FRMPD4: variants seen among roughly 807,000 people sequenced by gnomAD.
FRMPD4 encodes the protein FERM and PDZ domain-containing protein 4.
In FRMPD4, 22 loss-of-function variants were observed where a neutral mutation model predicts 94.1. The ratio of observed to expected loss-of-function variants is 0.23; its 90% CI spans 0.17 to 0.33. The LOEUF (loss-of-function observed/expected upper bound fraction) is 0.33. Ranked by LOEUF, FRMPD4 falls within the 10% of genes least tolerant of loss-of-function variation. The pLI is 1.00. For missense variants in FRMPD4, 1,111 were observed against 1,339.9 expected (o/e 0.83, Z 2.67); for synonymous variants, 631 against 548.6 (o/e 1.15, Z -2.10).
intron 1 of FRMPD4, among the ~76,000 whole-genome samples, chrX:12,332,023 A>T (rs1222762776): frequency 1.5e-5 from 1 of 67,268 alleles, no homozygotes; most frequent in Non-Finnish European, 2.4e-5. Flanking sequence ...CTATATATAA[A>T]TTATATATAT....
chrX:11,848,784 A>C (rs5933925), intron 1 of FRMPD4, among the ~76,000 whole-genome samples: 2,455 of 111,070 alleles, frequency 0.022, 23 homozygotes, highest in Non-Finnish European at 0.034. Flanking sequence ...CTGGTCTTTC[A>C]TATTCCCCTG....
chrX:12,044,880 C>T (rs914627231), intron 3 of FRMPD4, among the ~76,000 whole-genome samples: 4 of 111,553 alleles, frequency 3.6e-5, no homozygotes, highest in African/African-American at 9.8e-5. Flanking sequence ...TTTTAATTAG[C>T]GATTATTAAT....
At chrX:12,694,573 G>T in intron 9 of FRMPD4, 119 bp downstream of exon 9, 1 of 493,535 alleles carries the variant, frequency 2.0e-6, no homozygotes, top group Non-Finnish European at 3.5e-6. Flanking sequence ...CAAGCTCAGT[G>T]AATCGTACGA....
chrX:12,438,928 G>C (rs771824510), intron 1 of FRMPD4, among the ~76,000 whole-genome samples: 1 of 111,345 alleles, frequency 9.0e-6, no homozygotes, highest in South Asian at 4.0e-4. Flanking sequence ...ACAGTTCTCT[G>C]TGCGTCGCTC....
At chrX:12,347,872 C>T (rs2055739094) in intron 1 of FRMPD4, among the ~76,000 whole-genome samples, 1 of 111,357 alleles carries the variant, frequency 9.0e-6, no homozygotes, top group Admixed American at 9.5e-5. Flanking sequence ...TTATTATATA[C>T]ATACAGATAT....
intron 3 of FRMPD4, among the ~76,000 whole-genome samples, chrX:12,071,459 C>A (rs1166661877): frequency 9.0e-6 from 1 of 111,696 alleles, no homozygotes; most frequent in Admixed American, 9.5e-5. Flanking sequence ...TGCAGAAATT[C>A]TTCTTTAAAA....
At chrX:11,902,085 G>A (rs563778772) in intron 3 of FRMPD4, among the ~76,000 whole-genome samples, 12 of 112,405 alleles carry the variant, frequency 1.1e-4, no homozygotes, top group South Asian at 3.7e-4. Context: ...CTTTTGCTGC[G>A]TAGAACATGC....
chrX:12,242,781 G>T (rs2053896263), intron 1 of FRMPD4, among the ~76,000 whole-genome samples: 1 of 112,329 alleles, frequency 8.9e-6, no homozygotes, highest in South Asian at 3.7e-4. Context: ...CTGTCATCCA[G>T]GCTGTAATGC....
At chrX:11,930,708 TTCTC>T (rs1372857939) in intron 3 of FRMPD4, among the ~76,000 whole-genome samples, 2 of 112,075 alleles carry the variant, frequency 1.8e-5, no homozygotes, top group Admixed American at 9.5e-5. Context: ...ATGAATCTGA[TTCTC>T]TCTGTCTTGC....
At chrX:12,699,768 G>A (rs1267693732) in intron 9 of FRMPD4, among the ~76,000 whole-genome samples, 5 of 112,590 alleles carry the variant, frequency 4.4e-5, no homozygotes, top group Admixed American at 1.9e-4. Flanking sequence ...ATCCATGGGA[G>A]CCTTCAGAAT....
chrX:12,718,727 G>A lies in FRMPD4; in HGVS notation c.3901G>A (p.Glu1301Lys), dbSNP rs769465662. The part of the protein sequence containing the change: ...VPALHTAINT[E>K]PLFGTLRDGC... ...TGCTCTGCACACAGCCATTAACACC[G>A]AACCCCTGTTTGGCACATTGAGAGA... Residue 1301 changes from glutamate (E) to lysine (K), a missense_variant, in exon 16 of 17, where the codon GAA becomes AAA. This residue lies in a region of FRMPD4 where 551 missense variants were observed against 591.6 expected (regional missense o/e 0.93). Coordinates refer to ENST00000675598, the MANE Select transcript of FRMPD4 (RefSeq NM_001368397.1). 7 of 1,208,288 alleles carry A rather than the reference G, an allele frequency of 5.8e-6. No individual in the cohort carries two copies. The highest frequency in any genetic ancestry group is 4.6e-4 in the Middle Eastern group (2 of 4,346).
intron 3 of FRMPD4, among the ~76,000 whole-genome samples, chrX:11,948,012 C>T (rs943956718): frequency 3.8e-5 from 4 of 105,153 alleles, no homozygotes; most frequent in African/African-American, 1.4e-4. Flanking sequence ...ATTGCTTGAA[C>T]CTGGGAGGTG....
intron 3 of FRMPD4, among the ~76,000 whole-genome samples, chrX:11,978,312 A>C (rs2054378338): frequency 1.4e-5 from 1 of 71,677 alleles, no homozygotes; most frequent in Non-Finnish European, 2.6e-5. Context: ...ACAGAGTGAA[A>C]CTCCATCTCA....
At chrX:12,274,359 C>T (rs915567297) in intron 1 of FRMPD4, among the ~76,000 whole-genome samples, 1 of 111,334 alleles carries the variant, frequency 9.0e-6, no homozygotes, top group Non-Finnish European at 1.9e-5. Flanking sequence ...TACACTGAAA[C>T]GTCATTAGCC....
chrX:12,495,130 C>T (rs2057832679), intron 1 of FRMPD4: 2 of 253,448 alleles, frequency 7.9e-6, no homozygotes, highest in Non-Finnish European at 1.1e-5. Flanking sequence ...CACCTTCTGA[C>T]ATTCTGGGAA....
intron 1 of FRMPD4, among the ~76,000 whole-genome samples, chrX:12,457,927 TG>T (rs1253993124): frequency 8.9e-6 from 1 of 111,925 alleles, no homozygotes; most frequent in Non-Finnish European, 1.9e-5. Flanking sequence ...TTATCAAGGT[TG>T]GTTCCTGGCT....
intron 3 of FRMPD4, among the ~76,000 whole-genome samples, chrX:12,102,756 A>C (rs954939085): frequency 1.8e-5 from 2 of 110,433 alleles, no homozygotes; most frequent in African/African-American, 6.6e-5. Context: ...ATTCCTGGAA[A>C]TTAAATTCAA....
intron 1 of FRMPD4, among the ~76,000 whole-genome samples, chrX:12,353,215 G>A (rs2055842045): frequency 1.8e-5 from 2 of 111,851 alleles, no homozygotes; most frequent in African/African-American, 6.5e-5. Flanking sequence ...ATGTATCTCA[G>A]AGGAATGTTC....
chrX:12,508,991 C>CAAAA (rs770698547), intron 2 of FRMPD4, among the ~76,000 whole-genome samples: 52 of 30,450 alleles, frequency 1.7e-3, no homozygotes, highest in East Asian at 2.9e-3. Flanking sequence ...GACTCTGTCT[C>CAAAA]AAAAAAAAAA....
Sources: gnomAD v4.1 joint callset for allele counts (sites outside exome capture counted in the v4.1 genomes callset) on GRCh38, gnomAD v4.1.1 for gene constraint, gnomAD v4.1.1 regional missense constraint, MANE v1.5 for transcripts, NCBI Gene and HGNC (gene_info 2026-07-23, HGNC 2026-07-21) for gene names.